SAMD3: variants seen among roughly 807,000 people sequenced by gnomAD.
SAMD3 encodes sterile alpha motif domain containing 3, also known as sterile alpha motif domain-containing protein 3.
In SAMD3, 63 loss-of-function variants were observed where a neutral mutation model predicts 58.5. That is an observed-to-expected ratio of 1.08 (90% confidence interval 0.88 to 1.33). The LOEUF (loss-of-function observed/expected upper bound fraction) is 1.33. SAMD3 is among the 40% of genes most tolerant of loss of function. The pLI is 0.00. For synonymous variants in SAMD3, 220 were observed against 210.3 expected (o/e 1.05, Z -0.40); for missense variants, 604 against 608.4 (o/e 0.99, Z 0.08).
At chr6:130,300,377 C>T (rs1404243161) in intron 2 of SAMD3, among the ~76,000 whole-genome samples, 1 of 149,334 alleles carries the variant, frequency 6.7e-6, no homozygotes, top group African/African-American at 2.4e-5. Flanking sequence ...TCTCAATAGA[C>T]AGAAAAAGCA....
In SAMD3 at chr6:130,176,634, A is replaced by G. The variant is rs142428280; in HGVS notation, c.655-626T>C. 2.0e-3 allele frequency among the ~76,000 whole-genome samples: 310 copies of G among 152,336 alleles called. 3 individuals carry two copies. Among genetic ancestry groups the G allele is most frequent in the African/African-American group, 7.1e-3 (294 of 41,596 alleles). ...AAAGTATTATAATAGGGGAAGATAC[A>G]TCATTCATTTACATTGTGTTAGGAG... On this transcript the variant is annotated intron_variant, in intron 7 of 11. Coordinates refer to ENST00000439090, the MANE Select transcript of SAMD3 (RefSeq NM_001017373.4).
upstream of SAMD3, chr6:130,365,637 C>T: frequency 1.0e-6 from 1 of 985,454 alleles, no homozygotes; most frequent in Non-Finnish European, 1.2e-6. Context: ...CCGGTGGTCC[C>T]GCGGTAGCTA....
intron 5 of SAMD3, among the ~76,000 whole-genome samples, chr6:130,190,125 T>G (rs759876334): frequency 7.5e-6 from 1 of 132,798 alleles, no homozygotes; most frequent in African/African-American, 3.0e-5. Context: ...ACTACACATG[T>G]GCATAACTGG....
intron 2 of SAMD3, among the ~76,000 whole-genome samples, chr6:130,252,514 G>A (rs965435262): frequency 2.0e-5 from 3 of 152,172 alleles, no homozygotes; most frequent in Non-Finnish European, 2.9e-5. Context: ...TCACTGGGGG[G>A]TGAAAACAAG....
At chr6:130,146,759 G>T (rs1051029344) in intron 9 of SAMD3, among the ~76,000 whole-genome samples, 1 of 152,066 alleles carries the variant, frequency 6.6e-6, no homozygotes, top group African/African-American at 2.4e-5. Context: ...AGGATCACTT[G>T]AGCCCAGGAG....
rs377561593 is a variant in SAMD3 at position 130,146,049 on chromosome 6, C to T, written c.1156G>A (p.Glu386Lys). The change falls in exon 10 of 12, where the codon GAA (glutamate) becomes AAA (lysine). Residue 386 changes from glutamate (E) to lysine (K), a missense_variant. Coordinates refer to ENST00000439090, the MANE Select transcript of SAMD3 (RefSeq NM_001017373.4). Reference sequence around the variant, plus strand: ...TCATCTGTGTAATGTTTCATTTTTTCTTGCAATACAATATTGATTGGATTG... The same window carrying T: ...TCATCTGTGTAATGTTTCATTTTTTTTTGCAATACAATATTGATTGGATTG... ...VDNPINIVLQEKMKHYTDEDM... is the reference protein window; with the variant it reads ...VDNPINIVLQKKMKHYTDEDM... 21 of 1,570,052 alleles carry T rather than the reference C, an allele frequency of 1.3e-5. No individual in the cohort carries two copies. Among genetic ancestry groups the T allele is most frequent in the Non-Finnish European group, 1.6e-5 (19 of 1,161,512 alleles).
chr6:130,290,565 A>T (rs1218765006), intron 2 of SAMD3, among the ~76,000 whole-genome samples: 1 of 152,226 alleles, frequency 6.6e-6, no homozygotes, highest in Non-Finnish European at 1.5e-5. Context: ...GACACGTAAA[A>T]TTAAGCAGCA....
chr6:130,274,956 ACCCTT>A (rs1332564755), intron 2 of SAMD3, among the ~76,000 whole-genome samples: 1 of 151,384 alleles, frequency 6.6e-6, no homozygotes, highest in Non-Finnish European at 1.5e-5. Context: ...CTTTTTTTGG[ACCCTT>A]GGCACTCAAA....
intron 7 of SAMD3, 61 bp from the exon 8 acceptor site, chr6:130,176,069 T>C: frequency 7.6e-7 from 1 of 1,309,760 alleles, no homozygotes. Context: ...ATATAAACAA[T>C]ACGTCTATAC....
At chr6:130,178,374 G>A (rs563828093) in intron 7 of SAMD3, among the ~76,000 whole-genome samples, 8 of 151,282 alleles carry the variant, frequency 5.3e-5, no homozygotes, top group East Asian at 1.9e-4. Flanking sequence ...CAGTGAGTGC[G>A]GGGAAGGGAA....
At chr6:130,261,449 T>C (rs949007102) in intron 2 of SAMD3, among the ~76,000 whole-genome samples, 23 of 152,120 alleles carry the variant, frequency 1.5e-4, no homozygotes, top group Non-Finnish European at 2.5e-4. Flanking sequence ...AGCACTTTGG[T>C]TTTTGTTTTT....
At chr6:130,244,080 TGTAA>T (rs1773453278) in intron 2 of SAMD3, among the ~76,000 whole-genome samples, 1 of 152,202 alleles carries the variant, frequency 6.6e-6, no homozygotes, top group Non-Finnish European at 1.5e-5. Context: ...TCTTTTTCTG[TGTAA>T]GTAAGACTAT....
chr6:130,245,173 A>T (rs1052644040), intron 2 of SAMD3, among the ~76,000 whole-genome samples: 1 of 152,210 alleles, frequency 6.6e-6, no homozygotes, highest in Admixed American at 6.5e-5. Context: ...TATAAGAACT[A>T]AAGTTGTGTG....
chr6:130,164,828 A>C (rs560206384), intron 8 of SAMD3, among the ~76,000 whole-genome samples: 1 of 152,090 alleles, frequency 6.6e-6, no homozygotes, highest in Admixed American at 6.6e-5. Context: ...TTGTCACCAC[A>C]CCTAACTTCA....
At chr6:130,252,946 T>G (rs1316238389) in intron 2 of SAMD3, among the ~76,000 whole-genome samples, 1 of 152,216 alleles carries the variant, frequency 6.6e-6, no homozygotes. Flanking sequence ...TTAGTCATAA[T>G]TTCCATACTT....
chr6:130,162,326 G>A (rs1790349983), intron 8 of SAMD3: 2 of 700,722 alleles, frequency 2.9e-6, no homozygotes, highest in Non-Finnish European at 5.2e-6. Context: ...TTCAACAGAA[G>A]AATGAGTCTG....
chr6:130,146,153 C>A lies in SAMD3; in HGVS notation c.1052G>T (p.Arg351Ile). ...QMFREFQLLTRTDIYKKTRHI... is the reference protein window; with the variant it reads ...QMFREFQLLTITDIYKKTRHI... ...CCTTGTTTTCTTATAAATATCTGTTCTTGTAAGAAGTTGGAATTCTCTGAA... is the reference window on the plus strand; with the variant it reads ...CCTTGTTTTCTTATAAATATCTGTTATTGTAAGAAGTTGGAATTCTCTGAA... Residue 351 changes from arginine to isoleucine, a missense_variant, in exon 10 of 12, where the codon AGA becomes ATA. Transcript: ENST00000439090. 1 of 1,588,796 alleles carries A rather than the reference C, an allele frequency of 6.3e-7. No homozygotes were observed. Among genetic ancestry groups the A allele is most frequent in the Non-Finnish European group, 8.6e-7 (1 of 1,169,246 alleles).
At chr6:130,285,163 A>G (rs113712620) in intron 2 of SAMD3, among the ~76,000 whole-genome samples, 6 of 152,318 alleles carry the variant, frequency 3.9e-5, no homozygotes, top group African/African-American at 1.4e-4. Flanking sequence ...GCAAAACGTT[A>G]TATATAGTAG....
At chr6:130,279,809 C>T (rs1004594763) in intron 2 of SAMD3, among the ~76,000 whole-genome samples, 10 of 152,078 alleles carry the variant, frequency 6.6e-5, no homozygotes, top group African/African-American at 1.9e-4. Flanking sequence ...TTATAAATTA[C>T]CCAGTCTTGG....
Sources: gnomAD v4.1 joint callset for allele counts (sites outside exome capture counted in the v4.1 genomes callset) on GRCh38, gnomAD v4.1.1 for gene constraint, MANE v1.5 for transcripts, NCBI Gene and HGNC (gene_info 2026-07-23, HGNC 2026-07-21) for gene names.